Variants in PLCB1 observed in about 807,000 individuals in gnomAD.
The protein encoded by PLCB1 is 1-phosphatidylinositol 4,5-bisphosphate phosphodiesterase beta-1.
A neutral mutation model predicts 161.8 loss-of-function variants in PLCB1; 46 were observed. The ratio of observed to expected loss-of-function variants is 0.28; its 90% CI spans 0.22 to 0.36. PLCB1 has a LOEUF of 0.36. Ranked by LOEUF, PLCB1 falls within the 10% of genes least tolerant of loss-of-function variation. PLCB1 has a pLI of 1.00. For synonymous variants in PLCB1, 517 were observed against 503.7 expected, an observed-to-expected ratio of 1.03 and a Z score of -0.35; for missense variants, 1,016 against 1,472.5, an observed-to-expected ratio of 0.69 and a Z score of 5.07.
intron 19 of PLCB1, among the ~76,000 whole-genome samples, chr20:8,734,790 A>G (rs1216336930): frequency 3.9e-5 from 6 of 151,980 alleles, no homozygotes; most frequent in Non-Finnish European, 5.9e-5. Flanking sequence ...TAACTATAGA[A>G]CTAAGAAATT....
At chr20:8,513,059 C>T (rs1983959671) in intron 3 of PLCB1, among the ~76,000 whole-genome samples, 1 of 152,096 alleles carries the variant, frequency 6.6e-6, no homozygotes, top group African/African-American at 2.4e-5. Context: ...CCTTCTGTGC[C>T]TGGCTTATTT....
chr20:8,475,171 T>C (rs1982220969), intron 3 of PLCB1, among the ~76,000 whole-genome samples: 1 of 152,202 alleles, frequency 6.6e-6, no homozygotes, highest in South Asian at 2.1e-4. Flanking sequence ...GACATTTATG[T>C]TATGTGGTAC....
intron 31 of PLCB1, among the ~76,000 whole-genome samples, chr20:8,872,324 A>G (rs1987636717): frequency 6.6e-6 from 1 of 152,198 alleles, no homozygotes; most frequent in Admixed American, 6.5e-5. Context: ...TGGACTATCC[A>G]GTTTACTTCT....
intron 2 of PLCB1, among the ~76,000 whole-genome samples, chr20:8,262,291 A>G (rs1035519392): frequency 2.0e-5 from 3 of 151,720 alleles, no homozygotes; most frequent in Non-Finnish European, 4.4e-5. Context: ...GGGTTTCACC[A>G]TGTTGGTCAG....
rs11467115 is a variant in PLCB1 at position 8,541,562 on chromosome 20, GAGAAAGAAAGAAAGAA to G, written c.247-86701_247-86686del. Among the ~76,000 whole-genome samples, 144 of 114,426 alleles carry G rather than the reference GAGAAAGAAAGAAAGAA, an allele frequency of 1.3e-3. 1 individual carries two copies. Among genetic ancestry groups the G allele is most frequent in the South Asian group, 2.0e-3 (7 of 3,470 alleles). The allele number at this position is 114,426 out of a possible 152,430, so 75.1% of individuals were successfully genotyped here. ...AAACCCAGATAATGAAAGGAAGAAAGAGAAAGAAAGAAAGAAAGAAAGAAAGAAAGAAAGAAAGAAA... is the reference window on the plus strand; with the variant it reads ...AAACCCAGATAATGAAAGGAAGAAAGAGAAAGAAAGAAAGAAAGAAAGAAA... On this transcript the variant is annotated intron_variant, in intron 3 of 31. Coordinates refer to ENST00000338037, the MANE Select transcript of PLCB1 (RefSeq NM_015192.4).
chr20:8,149,565 G>A (rs1225146815), intron 1 of PLCB1, among the ~76,000 whole-genome samples: 1 of 152,124 alleles, frequency 6.6e-6, no homozygotes, highest in Non-Finnish European at 1.5e-5. Flanking sequence ...TGCAATTCCT[G>A]CAAAGGCCTG....
intron 3 of PLCB1, among the ~76,000 whole-genome samples, chr20:8,432,796 T>C (rs1177938527): frequency 6.6e-6 from 1 of 152,128 alleles, no homozygotes; most frequent in African/African-American, 2.4e-5. Flanking sequence ...AGGAGAGAGA[T>C]TGTTGCTCAT....
At chr20:8,523,490 C>CAATATATATATATATATATATATATATA in intron 3 of PLCB1, among the ~76,000 whole-genome samples, 1 of 67,732 alleles carries the variant, frequency 1.5e-5, no homozygotes, top group Non-Finnish European at 3.0e-5. Context: ...CTCTCTCTCT[C>CAATATATATATATATATATATATATATA]TCTCTCTATA....
chr20:8,593,215 C>T (rs1367961296), intron 3 of PLCB1, among the ~76,000 whole-genome samples: 1 of 152,162 alleles, frequency 6.6e-6, no homozygotes, highest in Non-Finnish European at 1.5e-5. Flanking sequence ...CTCCGTCACC[C>T]AGGCTGGACT....
intron 4 of PLCB1, among the ~76,000 whole-genome samples, chr20:8,630,023 C>T (rs1600207651): frequency 2.1e-5 from 2 of 97,558 alleles, no homozygotes; most frequent in African/African-American, 4.0e-5. Context: ...TTTCTTCTTT[C>T]CTTTCTTTCC....
At chr20:8,582,319 GA>G (rs1986858160) in intron 3 of PLCB1, among the ~76,000 whole-genome samples, 1 of 152,098 alleles carries the variant, frequency 6.6e-6, no homozygotes, top group Non-Finnish European at 1.5e-5. Flanking sequence ...GCCGTGGCTG[GA>G]ATACCTGGGA....
At chr20:8,726,946 G>A (rs1979971324) in intron 16 of PLCB1, among the ~76,000 whole-genome samples, 1 of 151,978 alleles carries the variant, frequency 6.6e-6, no homozygotes, top group African/African-American at 2.4e-5. Flanking sequence ...CCCCATATTG[G>A]CCCTAAGAAA....
At chr20:8,710,996 T>C (rs779229145) in intron 12 of PLCB1, among the ~76,000 whole-genome samples, 5 of 152,178 alleles carry the variant, frequency 3.3e-5, no homozygotes, top group Non-Finnish European at 2.9e-5. Flanking sequence ...AAGCAGTTTT[T>C]GAAATATTTT....
chr20:8,246,762 G>A (rs1196665808), intron 2 of PLCB1, among the ~76,000 whole-genome samples: 1 of 151,698 alleles, frequency 6.6e-6, no homozygotes, highest in Non-Finnish European at 1.5e-5. Context: ...AGAATACCTT[G>A]TACATAGTTT....
intron 9 of PLCB1, among the ~76,000 whole-genome samples, chr20:8,659,956 C>T (rs1192256136): frequency 2.0e-5 from 3 of 150,488 alleles, no homozygotes; most frequent in East Asian, 2.0e-4. Context: ...TACACCACTG[C>T]CCTCCAGCCT....
intron 3 of PLCB1, among the ~76,000 whole-genome samples, chr20:8,418,809 T>C (rs1049508157): frequency 4.6e-5 from 7 of 152,194 alleles, no homozygotes; most frequent in Admixed American, 2.6e-4. Flanking sequence ...CTTTGTTGAC[T>C]CTAACCCAAC....
intron 3 of PLCB1, among the ~76,000 whole-genome samples, chr20:8,486,244 T>C (rs1982716234): frequency 6.6e-6 from 1 of 152,132 alleles, no homozygotes; most frequent in Non-Finnish European, 1.5e-5. Context: ...ATCAGAGGGA[T>C]ACACTGAGAT....
At chr20:8,263,547 A>T (rs1309615248) in intron 2 of PLCB1, among the ~76,000 whole-genome samples, 4 of 152,140 alleles carry the variant, frequency 2.6e-5, no homozygotes, top group Non-Finnish European at 5.9e-5. Flanking sequence ...CTGGGGATTC[A>T]TTCTGATATT....
At chr20:8,875,457 TATTA>T (rs72358097) in intron 31 of PLCB1, among the ~76,000 whole-genome samples, 1,541 of 147,292 alleles carry the variant, frequency 0.01, 26 homozygotes, top group African/African-American at 0.036. Flanking sequence ...TAATACATTA[TATTA>T]ATTTATTATG....
Sources: gnomAD v4.1 joint callset for allele counts (sites outside exome capture counted in the v4.1 genomes callset) on GRCh38, gnomAD v4.1.1 for gene constraint, MANE v1.5 for transcripts, NCBI Gene and HGNC (gene_info 2026-07-23, HGNC 2026-07-21) for gene names.